Variants in TAPT1 observed in about 807,000 individuals in gnomAD.
The protein encoded by TAPT1 is transmembrane anterior posterior transformation 1, also known as transmembrane anterior posterior transformation protein 1 homolog.
A neutral mutation model predicts 65.6 loss-of-function variants in TAPT1; 28 were observed. The ratio of observed to expected loss-of-function variants is 0.43; its 90% confidence interval spans 0.32 to 0.59. TAPT1 has a LOEUF of 0.59. Among genes scored for constraint, TAPT1 ranks in the 20% least tolerant of loss-of-function variants. TAPT1 has a pLI of 0.09. For synonymous variants in TAPT1, 278 were observed against 245.2 expected, an observed-to-expected ratio of 1.13 and a Z score of -1.25; for missense variants, 563 against 679.9, an observed-to-expected ratio of 0.83 and a Z score of 1.91.
At chr4:16,214,024 T>C (rs1366542543) in intron 1 of TAPT1, 126 bp from the exon 2 acceptor site, 1 of 723,012 alleles carries the variant, frequency 1.4e-6, no homozygotes, top group Non-Finnish European at 2.1e-6. Flanking sequence ...TCTATAATTC[T>C]ATGCCTAGAA....
chr4:16,211,695 A>G (rs546212656), intron 2 of TAPT1, among the ~76,000 whole-genome samples: 1 of 152,210 alleles, frequency 6.6e-6, no homozygotes, highest in African/African-American at 2.4e-5. Flanking sequence ...ATACATTTAC[A>G]TTCATACAAA....
intron 3 of TAPT1, among the ~76,000 whole-genome samples, chr4:16,197,219 C>G (rs1338831414): frequency 1.3e-5 from 2 of 152,286 alleles, no homozygotes; most frequent in South Asian, 4.1e-4. Context: ...CCTGTGAAGC[C>G]TCATGTGAGA....
intron 2 of TAPT1, among the ~76,000 whole-genome samples, chr4:16,203,676 C>T (rs1750175113): frequency 6.6e-6 from 1 of 152,136 alleles, no homozygotes; most frequent in East Asian, 1.9e-4. Context: ...GAAGAGGCCT[C>T]AGAAGAAACT....
At chr4:16,200,573 A>G (rs1219906695) in intron 3 of TAPT1, among the ~76,000 whole-genome samples, 1 of 152,042 alleles carries the variant, frequency 6.6e-6, no homozygotes, top group East Asian at 1.9e-4. Flanking sequence ...CGATCCTCCT[A>G]CCTTGGCCTC....
intron 3 of TAPT1, chr4:16,196,757 T>C (rs1034797072): frequency 8.7e-7 from 1 of 1,151,470 alleles, no homozygotes; most frequent in South Asian, 1.3e-5. Flanking sequence ...GAGAGAAGAT[T>C]GTAATGTTGC....
At chr4:16,176,081 T>C in intron 9 of TAPT1, 38 bp downstream of exon 9, 1 of 1,019,052 alleles carries the variant, frequency 9.8e-7, no homozygotes, top group Non-Finnish European at 1.4e-6. Flanking sequence ...GCAACAGAAG[T>C]AAACTTTAAA....
intron 2 of TAPT1, among the ~76,000 whole-genome samples, chr4:16,206,211 T>TA (rs1750334171): frequency 6.6e-6 from 1 of 152,244 alleles, no homozygotes; most frequent in Non-Finnish European, 1.5e-5. Context: ...CAAGTTCTCT[T>TA]ACGATAGGCA....
chr4:16,226,123 C>G (rs1370474186), intron 1 of TAPT1, 136 bp downstream of exon 1: 1 of 1,027,604 alleles, frequency 9.7e-7, no homozygotes, highest in East Asian at 7.7e-5. Context: ...CGGCTCCGCG[C>G]GCCCACAGCC....
At chr4:16,226,640 C>G (rs1751593916), upstream of TAPT1, 1 of 202,418 alleles carries the variant, frequency 4.9e-6, no homozygotes, top group Non-Finnish European at 8.7e-6. Context: ...GCTGCCGCCG[C>G]CGCCGCCGCC....
chr4:16,188,716 T>A (rs541218591), intron 4 of TAPT1, among the ~76,000 whole-genome samples: 139 of 152,024 alleles, frequency 9.1e-4, no homozygotes, highest in South Asian at 1.9e-3. Context: ...GTCAGGAGAT[T>A]GAGACCATCC....
chr4:16,211,454 T>C lies in TAPT1; in HGVS notation c.330+2314A>G, dbSNP rs115732399. Among the ~76,000 whole-genome samples the C allele has an allele frequency of 6.2e-3, 949 of 152,294 alleles. 9 individuals are homozygous for C. The highest frequency in any genetic ancestry group is 0.022 in the African/African-American group (906 of 41,568). Reference sequence around the variant, plus strand: ...GCCTGGAATTAAACTGAAACCTAAATTGGCTTTCCTCTACATCCCACTTGG... The same window carrying C: ...GCCTGGAATTAAACTGAAACCTAAACTGGCTTTCCTCTACATCCCACTTGG... On this transcript the variant is annotated intron_variant, in intron 2 of 13. Coordinates refer to ENST00000405303, the MANE Select transcript of TAPT1 (RefSeq NM_153365.3).
In TAPT1 at chr4:16,167,985, C is replaced by T. The variant is rs921369997; in HGVS notation, c.1314-1192G>A. Among the ~76,000 whole-genome samples the T allele has an allele frequency of 3.9e-5, 6 of 152,170 alleles. No individual in the cohort carries two copies. In the Middle Eastern group the frequency reaches 0.01, roughly 259 times the overall value. ...TAGGATACCTAGATACCTATGACTA[C>T]AGAAATAAAATTTCTGGGTCAAAGA... On this transcript the variant is annotated intron_variant, in intron 12 of 13. Transcript: ENST00000405303.
At chr4:16,192,379 C>CAGTT (rs1578445744) in intron 3 of TAPT1, among the ~76,000 whole-genome samples, 2 of 152,194 alleles carry the variant, frequency 1.3e-5, no homozygotes, top group Non-Finnish European at 2.9e-5. Flanking sequence ...ACATATTTAA[C>CAGTT]AGTTATTTAT....
chr4:16,218,480 C>T (rs1225495065), intron 1 of TAPT1, among the ~76,000 whole-genome samples: 1 of 152,168 alleles, frequency 6.6e-6, no homozygotes, highest in Non-Finnish European at 1.5e-5. Context: ...ACAGCTTTGA[C>T]CATAATGAGA....
intron 5 of TAPT1, 135 bp downstream of exon 5, chr4:16,188,085 C>A: frequency 1.4e-6 from 1 of 736,698 alleles, no homozygotes; most frequent in Non-Finnish European, 2.0e-6. Context: ...CTCAACAGAA[C>A]ACAAATATTT....
chr4:16,197,045 G>A (rs1690899644), intron 3 of TAPT1, among the ~76,000 whole-genome samples: 1 of 152,054 alleles, frequency 6.6e-6, no homozygotes, highest in Admixed American at 6.6e-5. Flanking sequence ...GTTAATCTTG[G>A]GCAGAACTAT....
intron 1 of TAPT1, among the ~76,000 whole-genome samples, chr4:16,222,498 A>C (rs990830721): frequency 2.6e-5 from 4 of 152,206 alleles, no homozygotes; most frequent in Admixed American, 6.5e-5. Context: ...GTCACCCTTT[A>C]ATCATCCATT....
chr4:16,203,216 GCCACC>G, intron 2 of TAPT1, among the ~76,000 whole-genome samples: 1 of 152,284 alleles, frequency 6.6e-6, no homozygotes, highest in East Asian at 1.9e-4. Flanking sequence ...TGGCCAAGTA[GCCACC>G]ACTAGGCTAA....
Position 16,188,203 on chromosome 4 carries a change from T to G in TAPT1, c.748+17A>C. The G allele has an allele frequency of 1.3e-6, 2 of 1,571,002 alleles. No homozygotes were observed. Among genetic ancestry groups the G allele is most frequent in the Non-Finnish European group, 1.7e-6 (2 of 1,165,166 alleles). ...TGCATTAACTGTCGGAAATTTCCAG[T>G]AGGTCTATAAGGATACAGACATAGA... On this transcript the variant is annotated intron_variant, in intron 5 of 13. Coordinates refer to ENST00000405303, the MANE Select transcript of TAPT1 (RefSeq NM_153365.3).
Sources: gnomAD v4.1 joint callset for allele counts (sites outside exome capture counted in the v4.1 genomes callset) on GRCh38, gnomAD v4.1.1 for gene constraint, MANE v1.5 for transcripts, NCBI Gene and HGNC (gene_info 2026-07-23, HGNC 2026-07-21) for gene names.